GTF3C3: variants seen among roughly 807,000 people sequenced by gnomAD.
The protein encoded by GTF3C3 is general transcription factor 3C polypeptide 3.
A neutral mutation model predicts 105.2 loss-of-function variants in GTF3C3; 75 were observed. The ratio of observed to expected loss-of-function variants is 0.71; its 90% CI spans 0.59 to 0.86. The LOEUF is 0.86. GTF3C3 is among the 40% of genes least tolerant of loss of function. The pLI, the probability that GTF3C3 is intolerant of heterozygous loss-of-function variation, is 0.00. For synonymous variants in GTF3C3, 335 were observed against 370.4 expected, an observed-to-expected ratio of 0.90 and a Z score of 1.10; for missense variants, 856 against 1,076.5, an observed-to-expected ratio of 0.80 and a Z score of 2.87.
Position 196,766,737 on chromosome 2 carries a change from T to G in GTF3C3, c.2386-20A>C, listed in dbSNP as rs1308964708. 6.3e-7 allele frequency: 1 copy of G among 1,588,468 alleles called. No homozygotes were observed. Among genetic ancestry groups the G allele is most frequent in the Admixed American group, 1.8e-5 (1 of 56,584 alleles). ...AAAGCCCTAACCAAAAAGAAAAAGA[T>G]AATTCAATATTTCACTGATTTGACA... On this transcript the variant is annotated intron_variant, in intron 16 of 17. Transcript: ENST00000263956.
Position 196,772,130 on chromosome 2 carries a change from T to C in GTF3C3, c.2070-192A>G, listed in dbSNP as rs568755915. ...AAAGATTTTTCCCAGAAAATGTTGC[T>C]TAAGTTAGTGTTTCTATATCTTATT... On this transcript the variant is annotated intron_variant, in intron 14 of 17. Transcript: ENST00000263956. 4.1e-4 allele frequency among the ~76,000 whole-genome samples: 63 copies of C among 152,348 alleles called. 1 individual carries two copies. Among genetic ancestry groups the C allele is most frequent in the Non-Finnish European group, 1.5e-5 (1 of 68,032 alleles).
intron 1 of GTF3C3, among the ~76,000 whole-genome samples, chr2:196,798,156 C>A (rs557548309): frequency 6.6e-6 from 1 of 152,202 alleles, no homozygotes; most frequent in African/African-American, 2.4e-5. Context: ...ATATCTTACC[C>A]TTCAATCTGT....
chr2:196,768,385 A>C (rs560843057), intron 16 of GTF3C3, among the ~76,000 whole-genome samples: 1 of 152,284 alleles, frequency 6.6e-6, no homozygotes, highest in Admixed American at 6.5e-5. Context: ...TCAAACATTT[A>C]AATCAAATTA....
chr2:196,778,772 G>A (rs778438655), intron 10 of GTF3C3, 124 bp downstream of exon 10: 6 of 804,636 alleles, frequency 7.5e-6, no homozygotes, highest in Non-Finnish European at 1.3e-5. Context: ...TTAAAATACT[G>A]ACTTTCAAAA....
At chr2:196,774,180 T>C (rs1381330563) in intron 13 of GTF3C3, among the ~76,000 whole-genome samples, 4 of 152,208 alleles carry the variant, frequency 2.6e-5, no homozygotes, top group African/African-American at 9.7e-5. Flanking sequence ...TTTACTGTCT[T>C]TGATCCAATA....
At chr2:196,779,574 A>T (rs1576024884) in intron 9 of GTF3C3, among the ~76,000 whole-genome samples, 2 of 152,200 alleles carry the variant, frequency 1.3e-5, no homozygotes, top group East Asian at 3.9e-4. Context: ...TGCAGGAACT[A>T]AGACACAGCT....
intron 16 of GTF3C3, 144 bp downstream of exon 16, chr2:196,769,771 C>A: frequency 1.6e-6 from 1 of 621,976 alleles, no homozygotes; most frequent in Admixed American, 3.0e-5. Flanking sequence ...GAGTGCTGAA[C>A]ACTGGGGTAA....
Position 196,776,299 on chromosome 2 carries a change from A to G in GTF3C3, c.1593+128T>C. The stretch of plus-strand genomic sequence containing the variant: ...TGGCTGAAATCCAATACTTAAAATC[A>G]TTTTTCAAAAACTTGAATACACTAA... On this transcript the variant is annotated intron_variant, in intron 11 of 17. Transcript: ENST00000263956. The surrounding 1 kb of genome is among the most constrained non-coding windows in gnomAD (Gnocchi z 4.5). 1.2e-6 allele frequency: 1 copy of G among 818,884 alleles called. No homozygotes were observed. The allele number at this position is 818,884 out of a possible 1,614,324, so 50.7% of individuals were successfully genotyped here.
rs1297947123 is a variant in GTF3C3 at position 196,775,113 on chromosome 2, T to TA, written c.1831+2dup. On this transcript the variant is annotated splice_region_variant and intron_variant, in intron 13 of 17. Coordinates refer to ENST00000263956, the MANE Select transcript of GTF3C3 (RefSeq NM_012086.5). The stretch of plus-strand genomic sequence containing the variant: ...TATAACATAATGCAAATGAAGTTAT[T>TA]ACCTTTTGCATCACAATTTGCTGAC... The TA allele has an allele frequency of 6.2e-7, 1 of 1,610,450 alleles. No homozygotes were observed. The highest frequency in any genetic ancestry group is 1.3e-5 in the African/African-American group (1 of 74,810).
rs760524475 is a variant in GTF3C3 at position 196,772,978 on chromosome 2, T to C, written c.2007A>G (p.Glu669=). Residue 669 remains glutamate, a synonymous_variant, in exon 14 of 18, where the codon GAA becomes GAG. Transcript: ENST00000263956. ...YDDRQKRKEL[E]YFGLSAAILD... ...GAATTGCAGCAGACAGACCAAAGTATTCTAGTTCTTTGCGTTTTTGCCTGT... is the reference window on the plus strand; with the variant it reads ...GAATTGCAGCAGACAGACCAAAGTACTCTAGTTCTTTGCGTTTTTGCCTGT... 20 of 1,611,692 alleles carry C rather than the reference T, an allele frequency of 1.2e-5. No individual in the cohort carries two copies. In the Admixed American group the frequency reaches 1.5e-4, roughly 12 times the overall value.
intron 10 of GTF3C3, among the ~76,000 whole-genome samples, chr2:196,777,446 C>G (rs1016753269): frequency 2.6e-5 from 4 of 152,158 alleles, no homozygotes; most frequent in Admixed American, 2.6e-4. Flanking sequence ...TCAATACATG[C>G]GATCATTTGA....
chr2:196,768,838 A>G (rs1009632475), intron 16 of GTF3C3, among the ~76,000 whole-genome samples: 3 of 152,180 alleles, frequency 2.0e-5, no homozygotes, highest in Non-Finnish European at 2.9e-5. Context: ...TACATATTTT[A>G]CATATTTAAT....
At chr2:196,778,768 T>C (rs1699297669) in intron 10 of GTF3C3, 128 bp downstream of exon 10, 1 of 773,848 alleles carries the variant, frequency 1.3e-6, no homozygotes, top group Non-Finnish European at 2.2e-6. Context: ...CAATTTAAAA[T>C]ACTGACTTTC....
chr2:196,780,377 C>G, intron 9 of GTF3C3, 182 bp downstream of exon 9: 1 of 1,244,056 alleles, frequency 8.0e-7, no homozygotes, highest in African/African-American at 1.5e-5. Context: ...ACTGTAAGCC[C>G]AATTGCAAAA....
rs1699269061 is a variant in GTF3C3 at position 196,776,913 on chromosome 2, C to A, written c.1391-284G>T. ...TCTTCATTGGCATTTTGAATGGTTACATAATCAAACTGATTATGTAATTAT... is the reference window on the plus strand; with the variant it reads ...TCTTCATTGGCATTTTGAATGGTTAAATAATCAAACTGATTATGTAATTAT... On this transcript the variant is annotated intron_variant, in intron 10 of 17. Coordinates refer to ENST00000263956, the MANE Select transcript of GTF3C3 (RefSeq NM_012086.5). This position sits in a 1 kb window ranked among gnomAD's most constrained non-coding sequence, Gnocchi z 4.5. Among the ~76,000 whole-genome samples the A allele has an allele frequency of 6.6e-6, 1 of 152,220 alleles. No homozygotes were observed.
chr2:196,777,793 C>G (rs565972761), intron 10 of GTF3C3: 14 of 152,194 alleles, frequency 9.2e-5, no homozygotes, highest in African/African-American at 3.4e-4. Context: ...GCCACATGGG[C>G]TCAAAATGGA....
At chr2:196,771,371 A>G (rs1198243824) in intron 15 of GTF3C3, among the ~76,000 whole-genome samples, 1 of 123,744 alleles carries the variant, frequency 8.1e-6, no homozygotes, top group African/African-American at 2.7e-5. Context: ...CATTTTAAAA[A>G]TAAATAGGCC....
chr2:196,795,105 G>A (rs377062147), intron 2 of GTF3C3, among the ~76,000 whole-genome samples: 8 of 152,192 alleles, frequency 5.3e-5, no homozygotes, highest in East Asian at 1.9e-4. Flanking sequence ...GCAGTGGTGC[G>A]ATCTCAGGTC....
At chr2:196,783,582 C>T (rs1347821442) in intron 8 of GTF3C3, among the ~76,000 whole-genome samples, 2 of 152,156 alleles carry the variant, frequency 1.3e-5, no homozygotes, top group Non-Finnish European at 2.9e-5. Flanking sequence ...ATTCACACCA[C>T]CCTGATGACT....
Sources: gnomAD v4.1 joint callset for allele counts (sites outside exome capture counted in the v4.1 genomes callset) on GRCh38, gnomAD v4.1.1 for gene constraint, Gnocchi (gnomAD v3.1) non-coding constraint, MANE v1.5 for transcripts, NCBI Gene and HGNC (gene_info 2026-07-23, HGNC 2026-07-21) for gene names.